Variants in ETAA1 observed in about 807,000 individuals in gnomAD.
ETAA1 encodes the protein ewing's tumor-associated antigen 1.
In ETAA1, 49 loss-of-function variants were observed where a neutral mutation model predicts 76.8. The ratio of observed to expected loss-of-function variants is 0.64; its 90% CI spans 0.51 to 0.81. The LOEUF is 0.81. ETAA1 is among the 30% of genes least tolerant of loss of function. ETAA1 has a pLI of 0.00. For synonymous variants in ETAA1, 373 were observed against 372.2 expected (o/e 1.00, Z -0.03); for missense variants, 1,099 against 1,074.0 (o/e 1.02, Z -0.32).
Position 67,404,315 on chromosome 2 carries a change from C to G in ETAA1, c.1633C>G (p.Pro545Ala), listed in dbSNP as rs1487157029. 1.2e-6 allele frequency: 2 copies of G among 1,612,394 alleles called. No homozygotes were observed. Among genetic ancestry groups the G allele is most frequent in the Non-Finnish European group, 1.7e-6 (2 of 1,179,170 alleles). ...KCILNQSIKA[P>A]VNTDLFGSAN... Reference sequence around the variant, plus strand: ...CATTTTAAATCAGTCTATTAAAGCCCCTGTTAATACTGATCTTTTTGGCTC... The same window carrying G: ...CATTTTAAATCAGTCTATTAAAGCCGCTGTTAATACTGATCTTTTTGGCTC... The change falls in exon 5 of 6, where the codon CCT becomes GCT. Residue 545 changes from proline (P) to alanine (A), a missense_variant. Physicochemically the swap from Pro to Ala is conservative, Grantham distance 27. Around this residue, in one of 3 missense-constraint regions of ETAA1, gnomAD observed 761 missense variants for 731.9 expected, o/e 1.04. Transcript: ENST00000272342.
intron 1 of ETAA1, 62 bp downstream of exon 1, chr2:67,397,733 C>A: frequency 6.7e-7 from 1 of 1,484,022 alleles, no homozygotes; most frequent in Non-Finnish European, 9.1e-7. Flanking sequence ...TCCCAGCTTG[C>A]AACAGGGAAA....
chr2:67,409,801 A>G (rs1676319559), intron 5 of ETAA1, 110 bp from the exon 6 acceptor site: 2 of 933,684 alleles, frequency 2.1e-6, no homozygotes, highest in Admixed American at 5.2e-5. Flanking sequence ...TTGATTTAAT[A>G]GCCAACTAAT....
intron 1 of ETAA1, 93 bp downstream of exon 1, chr2:67,397,764 T>G (rs541334357): frequency 9.5e-6 from 12 of 1,263,396 alleles, no homozygotes; most frequent in Non-Finnish European, 7.8e-6. Context: ...GGGTGGAGTC[T>G]GGAGCGTGTA....
chr2:67,402,684 A>G, intron 3 of ETAA1, 178 bp from the exon 4 acceptor site: 2 of 321,770 alleles, frequency 6.2e-6, no homozygotes, highest in Non-Finnish European at 1.1e-5. Context: ...GTAGCTTATT[A>G]TTGCTATCTC....
chr2:67,408,228 G>C (rs537816666), intron 5 of ETAA1, among the ~76,000 whole-genome samples: 1 of 152,112 alleles, frequency 6.6e-6, no homozygotes, highest in South Asian at 2.1e-4. Flanking sequence ...ATTTATTTCA[G>C]GCAGGAGTTG....
Position 67,411,970 on chromosome 2 carries a change from GTC to G in ETAA1, c.*1934_*1935del, listed in dbSNP as rs1676383185. 6.6e-6 allele frequency: 1 copy of G among 151,856 alleles called. No individual in the cohort carries two copies. The highest frequency in any genetic ancestry group is 6.6e-5 in the Admixed American group (1 of 15,226). The allele number at this position is 151,856 out of a possible 1,614,324, so 9.4% of individuals were successfully genotyped here. A position where few individuals can be genotyped will look rare whatever the true frequency, so the allele number is the denominator to read the frequency against. ...CATTCATTTAGACTCAGCCTAATAA[GTC>G]TGTTTGAACCTCGTACCTAACCATC... On this transcript the variant is annotated 3_prime_UTR_variant, in exon 6 of 6. Coordinates refer to ENST00000272342, the MANE Select transcript of ETAA1 (RefSeq NM_019002.4).
chr2:67,404,187 A>C lies in ETAA1; in HGVS notation c.1505A>C (p.Asn502Thr), dbSNP rs1226161944. 6.2e-7 allele frequency: 1 copy of C among 1,609,408 alleles called. No individual in the cohort carries two copies. Among genetic ancestry groups the C allele is most frequent in the East Asian group, 2.2e-5 (1 of 44,746 alleles). Residue 502 changes from asparagine to threonine, a missense_variant, in exon 5 of 6, where the codon AAT becomes ACT. Asn to Thr is a moderately conservative substitution (Grantham distance 65). Coordinates refer to ENST00000272342, the MANE Select transcript of ETAA1 (RefSeq NM_019002.4). ...DEIQNCIVTS[N>T]LTKIKEDILT... ...ATTCAAAATTGTATAGTTACATCTAATCTGACAAAAATAAAGGAAGATATT... is the reference window on the plus strand; with the variant it reads ...ATTCAAAATTGTATAGTTACATCTACTCTGACAAAAATAAAGGAAGATATT...
rs747070971 is a variant in ETAA1, at chr2:67,397,554, C to T, written c.106C>T (p.Arg36Trp). 5 of 1,571,438 alleles carry T rather than the reference C, an allele frequency of 3.2e-6. No homozygotes were observed. In the Admixed American group the frequency reaches 5.5e-5, roughly 17 times the overall value. ...CGSVVEPGRR[R>W]LRSARGSWPC... The stretch of plus-strand genomic sequence containing the variant: ...CTCGGTGGTCGAGCCAGGGAGGAGG[C>T]GGCTGAGATCGGCCCGCGGTTCGTG... Residue 36 changes from arginine (R) to tryptophan (W), a missense_variant, in exon 1 of 6, where the codon CGG (arginine) becomes TGG (tryptophan). By Grantham distance (101) the Arg-to-Trp change is moderately radical (BLOSUM62 -3). Transcript: ENST00000272342.
Position 67,404,815 on chromosome 2 carries a change from AATAG to A in ETAA1, c.2137_2140del (p.Asp713SerfsTer3). 6.2e-7 allele frequency: 1 copy of A among 1,613,392 alleles called. No individual in the cohort carries two copies. Among genetic ancestry groups the A allele is most frequent in the South Asian group, 1.1e-5 (1 of 91,066 alleles). ...AGACATCTTTGACAAATAGCTCACAAATAGATAAGCCAATGAAGATGGAGAAAGG... is the reference window on the plus strand; with the variant it reads ...AGACATCTTTGACAAATAGCTCACAAATAAGCCAATGAAGATGGAGAAAGG... On this transcript the variant is annotated frameshift_variant, in exon 5 of 6. Transcript: ENST00000272342. LOFTEE classifies it high-confidence loss of function.
rs1038834210 is a variant in ETAA1, at chr2:67,404,490, A to G, written c.1808A>G (p.Asp603Gly). Reference sequence around the variant, plus strand: ...CAATTAGATAATACCTGGGAAGCAGATGATGTAGATGATGATTTGTTGTAC... The same window carrying G: ...CAATTAGATAATACCTGGGAAGCAGGTGATGTAGATGATGATTTGTTGTAC... The part of the protein sequence containing the change: ...CHQLDNTWEA[D>G]DVDDDLLYQA... The change falls in exon 5 of 6, where the codon GAT becomes GGT. Residue 603 changes from aspartate to glycine, a missense_variant. By Grantham distance (94) the Asp-to-Gly change is moderately conservative. This residue lies in a region of ETAA1 where 761 missense variants were observed against 731.9 expected (regional missense o/e 1.04). Transcript: ENST00000272342. 1 of 1,613,196 alleles carries G rather than the reference A, an allele frequency of 6.2e-7. No individual in the cohort carries two copies. The highest frequency in any genetic ancestry group is 1.7e-5 in the Admixed American group (1 of 59,948).
rs1676382375 is a variant in ETAA1, at chr2:67,411,940, C to G, written c.*1902C>G. 6.6e-6 allele frequency: 1 copy of G among 152,080 alleles called. No individual in the cohort carries two copies. The highest frequency in any genetic ancestry group is 2.1e-4 in the South Asian group (1 of 4,822). 9.4% of individuals were successfully genotyped at this position (152,080 alleles called of 1,614,324 possible). On this transcript the variant is annotated 3_prime_UTR_variant, in exon 6 of 6. Coordinates refer to ENST00000272342, the MANE Select transcript of ETAA1 (RefSeq NM_019002.4). ...TTTTTAAGAGTACTTTTAGCCTATT[C>G]TGTTCATTCATTTAGACTCAGCCTA...
chr2:67,403,147 AAC>A, intron 4 of ETAA1, 76 bp from the exon 5 acceptor site: 2 of 1,166,728 alleles, frequency 1.7e-6, no homozygotes, highest in Non-Finnish European at 1.2e-6. Context: ...TTAGAGCTTT[AAC>A]ATCAAAATAT....
At chr2:67,406,272 T>G (rs886406246) in intron 5 of ETAA1, among the ~76,000 whole-genome samples, 1 of 152,162 alleles carries the variant, frequency 6.6e-6, no homozygotes, top group African/African-American at 2.4e-5. Flanking sequence ...GTCCAGGAAC[T>G]TAGACCGTGC....
Position 67,410,081 on chromosome 2 carries a change from A to G in ETAA1, c.*43A>G. ...GACTTCACGAAGACTGCTGATAACT[A>G]TCTGTGATTGATAGGAAATTTTTTT... is the stretch of plus-strand genomic sequence containing the variant. On this transcript the variant is annotated 3_prime_UTR_variant, in exon 6 of 6. Coordinates refer to ENST00000272342, the MANE Select transcript of ETAA1 (RefSeq NM_019002.4). 1 of 1,555,622 alleles carries G rather than the reference A, an allele frequency of 6.4e-7. No individual in the cohort carries two copies. The highest frequency in any genetic ancestry group is 1.2e-5 in the South Asian group (1 of 81,370).
At chr2:67,409,143 C>T (rs1676297356) in intron 5 of ETAA1, among the ~76,000 whole-genome samples, 1 of 151,964 alleles carries the variant, frequency 6.6e-6, no homozygotes, top group Non-Finnish European at 1.5e-5. Flanking sequence ...AGAAATGTCT[C>T]ATAAATTGTG....
chr2:67,399,141 A>G (rs1558578921), intron 1 of ETAA1, 28 bp from the exon 2 acceptor site: 2 of 1,595,672 alleles, frequency 1.3e-6, no homozygotes, highest in South Asian at 1.1e-5. Context: ...AAATGCAACA[A>G]TTGTTATTTT....
intron 5 of ETAA1, among the ~76,000 whole-genome samples, chr2:67,406,879 C>T (rs1676235821): frequency 6.6e-6 from 1 of 151,988 alleles, no homozygotes; most frequent in Admixed American, 6.6e-5. Flanking sequence ...CTGTTAATGA[C>T]TATGTGATAT....
Position 67,397,614 on chromosome 2 carries a change from G to A in ETAA1, c.166G>A (p.Val56Met), listed in dbSNP as rs369830504. 1.3e-6 allele frequency: 2 copies of A among 1,549,144 alleles called. No individual in the cohort carries two copies. Among genetic ancestry groups the A allele is most frequent in the Admixed American group, 3.9e-5 (2 of 51,090 alleles). Reference protein sequence around the residue: ...CGAREGPPGPVRQREQPPTAA... With the variant: ...CGAREGPPGPMRQREQPPTAA... ...GGCTAGAGAGGGGCCTCCCGGGCCA[G>A]TGCGGCAGCGAGAGCAGCCTCCGAC... The change falls in exon 1 of 6, where the codon GTG becomes ATG. Residue 56 changes from valine to methionine, a missense_variant. By Grantham distance (21) the Val-to-Met change is conservative. Around this residue, in one of 3 missense-constraint regions of ETAA1, gnomAD observed 761 missense variants for 731.9 expected, o/e 1.04. Transcript: ENST00000272342.
In ETAA1 at chr2:67,403,429, T is replaced by C. The variant is rs1676111137; in HGVS notation, c.747T>C (p.Asn249=). ...SLHNIVPEID[N]ATKKPIKGNT... ...ATAATATAGTTCCCGAAATAGATAA[T>C]GCTACAAAAAAGCCAATCAAAGGAA... is the stretch of plus-strand genomic sequence containing the variant. The change falls in exon 5 of 6, where the codon AAT becomes AAC. Residue 249 remains asparagine, a synonymous_variant. Transcript: ENST00000272342. 2.5e-6 allele frequency: 4 copies of C among 1,611,924 alleles called. No individual in the cohort carries two copies. Among genetic ancestry groups the C allele is most frequent in the Non-Finnish European group, 3.4e-6 (4 of 1,178,300 alleles).
Sources: gnomAD v4.1 joint callset for allele counts (sites outside exome capture counted in the v4.1 genomes callset) on GRCh38, gnomAD v4.1.1 for gene constraint, gnomAD v4.1.1 regional missense constraint, MANE v1.5 for transcripts, NCBI Gene and HGNC (gene_info 2026-07-23, HGNC 2026-07-21) for gene names.